GLI2: variants seen among roughly 807,000 people sequenced by gnomAD.
The protein encoded by GLI2 is GLI family zinc finger 2.
A neutral mutation model predicts 78.9 loss-of-function variants in GLI2; 22 were observed. The observed-to-expected ratio is 0.28, with a 90% CI of 0.20 to 0.40. The LOEUF (loss-of-function observed/expected upper bound fraction) is 0.40. GLI2 is among the 10% of genes least tolerant of loss of function. The probability of loss-of-function intolerance (pLI) is 1.00; values close to 1 mark genes in which losing one functional copy is unlikely to be tolerated. For missense variants in GLI2, 2,097 were observed against 2,213.2 expected (o/e 0.95, Z 1.05); for synonymous variants, 974 against 963.7 (o/e 1.01, Z -0.20).
intron 4 of GLI2, among the ~76,000 whole-genome samples, chr2:120,953,913 C>T (rs1384873115): frequency 2.0e-5 from 3 of 152,074 alleles, no homozygotes; most frequent in African/African-American, 7.2e-5. Flanking sequence ...GAGGAGAGGC[C>T]TTCGACGGAT....
chr2:120,824,096 G>A (rs1040893016), intron 2 of GLI2, among the ~76,000 whole-genome samples: 3 of 152,152 alleles, frequency 2.0e-5, no homozygotes, highest in East Asian at 1.9e-4. Flanking sequence ...TATCTTGGGG[G>A]GATTCCGTTG....
intron 2 of GLI2, among the ~76,000 whole-genome samples, chr2:120,810,458 C>T (rs1685183200): frequency 6.6e-6 from 1 of 152,178 alleles, no homozygotes; most frequent in Non-Finnish European, 1.5e-5. Flanking sequence ...CTCATTTAGT[C>T]CCTTCCATTG....
At chr2:120,749,672 T>TGGCTC (rs1682806292) in intron 1 of GLI2, among the ~76,000 whole-genome samples, 1 of 152,234 alleles carries the variant, frequency 6.6e-6, no homozygotes, top group Non-Finnish European at 1.5e-5. Context: ...GGGATCATAA[T>TGGCTC]TGTTCTGTTC....
intron 1 of GLI2, among the ~76,000 whole-genome samples, chr2:120,775,842 A>G (rs547631541): frequency 1.3e-5 from 2 of 152,310 alleles, no homozygotes; most frequent in South Asian, 4.1e-4. Context: ...TCCATATGCC[A>G]TGTCGTACAG....
intron 1 of GLI2, among the ~76,000 whole-genome samples, chr2:120,783,873 A>T (rs1683917998): frequency 6.6e-6 from 1 of 152,202 alleles, no homozygotes; most frequent in Non-Finnish European, 1.5e-5. Flanking sequence ...GCAAGCTTCA[A>T]AGAAGTGACT....
chr2:120,831,094 T>TCTCTCTCTTTCTGTCATC (rs1364358082), intron 2 of GLI2, among the ~76,000 whole-genome samples: 1 of 151,888 alleles, frequency 6.6e-6, no homozygotes, highest in Non-Finnish European at 1.5e-5. Context: ...TGTCATTCTC[T>TCTCTCTCTTTCTGTCATC]CTCTCTCTTT....
intron 5 of GLI2, among the ~76,000 whole-genome samples, chr2:120,957,278 A>AT (rs1681320075): frequency 6.6e-6 from 1 of 152,188 alleles, no homozygotes; most frequent in African/African-American, 2.4e-5. Flanking sequence ...TTAGTCCAGA[A>AT]TTAAGCACAC....
At chr2:120,961,386 G>A (rs1222450130) in intron 5 of GLI2, among the ~76,000 whole-genome samples, 1 of 152,190 alleles carries the variant, frequency 6.6e-6, no homozygotes, top group Non-Finnish European at 1.5e-5. Flanking sequence ...GGGGAACCGA[G>A]GCAAAGGAAG....
intron 4 of GLI2, among the ~76,000 whole-genome samples, chr2:120,954,174 A>G (rs1334098305): frequency 6.6e-6 from 1 of 152,184 alleles, no homozygotes; most frequent in East Asian, 1.9e-4. Flanking sequence ...CCTGCTCGGT[A>G]TCAGCCCCAG....
At chr2:120,897,025 G>A (rs1678004401) in intron 2 of GLI2, among the ~76,000 whole-genome samples, 1 of 152,242 alleles carries the variant, frequency 6.6e-6, no homozygotes, top group Non-Finnish European at 1.5e-5. Flanking sequence ...CTCTGTCCCA[G>A]GTGGCCTGTG....
At chr2:120,952,938 T>C (rs759328331) in intron 4 of GLI2, among the ~76,000 whole-genome samples, 4 of 152,208 alleles carry the variant, frequency 2.6e-5, no homozygotes, top group Admixed American at 2.0e-4. Context: ...ACTAACACTG[T>C]CAACTCCCCA....
At chr2:120,936,927 A>T (rs538404007) in intron 3 of GLI2, among the ~76,000 whole-genome samples, 1 of 152,326 alleles carries the variant, frequency 6.6e-6, no homozygotes, top group East Asian at 1.9e-4. Context: ...GGCACTGCTT[A>T]AAAAGGTCAG....
chr2:120,969,881 G>A (rs1007302797), intron 6 of GLI2, among the ~76,000 whole-genome samples: 2 of 152,172 alleles, frequency 1.3e-5, no homozygotes, highest in Non-Finnish European at 2.9e-5. Flanking sequence ...CCAACCACAG[G>A]GGTCACCAAT....
intron 1 of GLI2, among the ~76,000 whole-genome samples, chr2:120,761,067 A>G (rs1683198421): frequency 6.6e-6 from 1 of 152,126 alleles, no homozygotes; most frequent in South Asian, 2.1e-4. Flanking sequence ...ATTTCTTTCC[A>G]TCTATGGCTG....
Position 120,989,365 on chromosome 2 carries a change from T to TCCGGCA in GLI2, c.3404_3409dup (p.Gly1135_Thr1136dup). 4 of 1,612,924 alleles carry TCCGGCA rather than the reference T, an allele frequency of 2.5e-6. No individual in the cohort carries two copies. The highest frequency in any genetic ancestry group is 3.4e-6 in the Non-Finnish European group (4 of 1,179,980). On this transcript the variant is annotated inframe_insertion, in exon 14 of 14. Coordinates refer to ENST00000361492, the MANE Select transcript of GLI2 (RefSeq NM_001374353.1). ...GCCTGTGCAGTGGAATGAGGTGAGC[T>TCCGGCA]CCGGCACCGTAGACGCCCTGGCCAG...
chr2:120,858,267 A>G (rs1687751267), intron 2 of GLI2, among the ~76,000 whole-genome samples: 1 of 152,194 alleles, frequency 6.6e-6, no homozygotes, highest in Non-Finnish European at 1.5e-5. Context: ...ATTTGTCAAG[A>G]AACAAAATAT....
At chr2:120,932,729 A>G (rs1001116504) in intron 3 of GLI2, among the ~76,000 whole-genome samples, 6 of 152,236 alleles carry the variant, frequency 3.9e-5, no homozygotes, top group East Asian at 3.8e-4. Context: ...GAAACATTCA[A>G]TGGATATGAG....
chr2:120,881,723 G>GAGCT (rs1677150147), intron 2 of GLI2, among the ~76,000 whole-genome samples: 1 of 102,216 alleles, frequency 9.8e-6, no homozygotes. Flanking sequence ...AGGGCAGGTG[G>GAGCT]GGGAGGACAG....
intron 1 of GLI2, among the ~76,000 whole-genome samples, chr2:120,763,838 A>G (rs1683291295): frequency 1.3e-5 from 2 of 152,356 alleles, no homozygotes; most frequent in East Asian, 3.9e-4. Flanking sequence ...GCAAGTCAGG[A>G]CCAAAAACAA....
Sources: gnomAD v4.1 joint callset for allele counts (sites outside exome capture counted in the v4.1 genomes callset) on GRCh38, gnomAD v4.1.1 for gene constraint, MANE v1.5 for transcripts, NCBI Gene and HGNC (gene_info 2026-07-23, HGNC 2026-07-21) for gene names.